Variants in CCDC7 observed in about 807,000 individuals in gnomAD.
The protein encoded by CCDC7 is coiled-coil domain-containing protein 7.
A neutral mutation model predicts 196.9 loss-of-function variants in CCDC7; 183 were observed. The observed-to-expected ratio is 0.93, with a 90% CI of 0.82 to 1.05. The LOEUF is 1.05. Among genes scored for constraint, CCDC7 ranks in the 50% least tolerant of loss-of-function variants. The probability of loss-of-function intolerance (pLI) is 0.00; values close to 1 mark genes in which losing one functional copy is unlikely to be tolerated. For missense variants in CCDC7, 1,540 were observed against 1,482.2 expected, an observed-to-expected ratio of 1.04 and a Z score of -0.64; for synonymous variants, 525 against 484.6, an observed-to-expected ratio of 1.08 and a Z score of -1.10.
intron 13 of CCDC7, 45 bp from the exon 15 acceptor site, chr10:32,565,513 A>C: frequency 6.3e-7 from 1 of 1,576,374 alleles, no homozygotes; most frequent in South Asian, 1.2e-5. Flanking sequence ...AAATTAATTA[A>C]AAATACCAAA....
Position 32,848,728 on chromosome 10 carries a change from T to G in CCDC7, c.3895+10T>G. 6.6e-7 allele frequency: 1 copy of G among 1,516,130 alleles called. No individual in the cohort carries two copies. Among genetic ancestry groups the G allele is most frequent in the South Asian group, 1.1e-5 (1 of 88,184 alleles). The allele number at this position is 1,516,130 out of a possible 1,614,324, so 93.9% of individuals were successfully genotyped here. On this transcript the variant is annotated intron_variant, in intron 39 of 41. Transcript: ENST00000639629. ...CCCTTTGAAAATAAAGGTAAAGAAT[T>G]ATGTATGTAGATATGAATTCAGTAT...
chr10:32,713,293 T>C (rs1322698764), intron 25 of CCDC7, among the ~76,000 whole-genome samples: 1 of 152,222 alleles, frequency 6.6e-6, no homozygotes, highest in Non-Finnish European at 1.5e-5. Flanking sequence ...TCAGGGATTG[T>C]GAGGATCACA....
intron 32 of CCDC7, 61 bp from the exon 34 acceptor site, chr10:32,834,754 C>A: frequency 1.4e-6 from 1 of 701,338 alleles, no homozygotes; most frequent in Non-Finnish European, 2.6e-6. Context: ...ATACACACAG[C>A]ACGGACATAT....
chr10:32,488,984 G>A (rs186448475), intron 8 of CCDC7, among the ~76,000 whole-genome samples: 31 of 152,296 alleles, frequency 2.0e-4, no homozygotes, highest in Admixed American at 7.2e-4. Context: ...AATTTCAGTG[G>A]TGTACAGTGG....
chr10:32,709,359 T>A (rs141636930), intron 24 of CCDC7, among the ~76,000 whole-genome samples: 5,661 of 149,054 alleles, frequency 0.038, 114 homozygotes, highest in Middle Eastern at 0.051. Context: ...TTAAGAGATA[T>A]ACCTAATGTA....
chr10:32,643,055 T>C (rs1338682096), intron 20 of CCDC7, among the ~76,000 whole-genome samples: 4 of 152,236 alleles, frequency 2.6e-5, no homozygotes, highest in African/African-American at 9.6e-5. Context: ...AAAGTAGTAT[T>C]TATTTTTTGA....
intron 8 of CCDC7, among the ~76,000 whole-genome samples, chr10:32,482,184 T>C (rs995544590): frequency 2.4e-5 from 3 of 126,998 alleles, no homozygotes; most frequent in Non-Finnish European, 5.9e-5. Flanking sequence ...ATTTATTTTA[T>C]TTTTCAGAAT....
At chr10:32,847,711 T>A (rs1593406016) in intron 37 of CCDC7, 122 bp from the exon 39 acceptor site, 17 of 616,272 alleles carry the variant, frequency 2.8e-5, no homozygotes, top group Middle Eastern at 4.5e-4. Flanking sequence ...CAAGATCCTG[T>A]CTCTAAAAAA....
intron 16 of CCDC7, among the ~76,000 whole-genome samples, chr10:32,576,164 G>A (rs991359203): frequency 6.6e-6 from 1 of 152,122 alleles, no homozygotes; most frequent in African/African-American, 2.4e-5. Flanking sequence ...TGATAGTTCA[G>A]TGGGGACCCC....
At chr10:32,630,177 T>G (rs986941811) in intron 18 of CCDC7, among the ~76,000 whole-genome samples, 8 of 152,088 alleles carry the variant, frequency 5.3e-5, no homozygotes, top group Non-Finnish European at 1.2e-4. Flanking sequence ...CCTTTGTTTT[T>G]TTTGTCCTTG....
chr10:32,719,233 C>T (rs185912215), intron 25 of CCDC7, among the ~76,000 whole-genome samples: 1 of 152,140 alleles, frequency 6.6e-6, no homozygotes, highest in Non-Finnish European at 1.5e-5. Flanking sequence ...CATGTAGAAC[C>T]AACTGATCTT....
In CCDC7 at chr10:32,699,771, T is replaced by C. The variant is rs567868860; in HGVS notation, c.2458+4779T>C. 1.7e-3 allele frequency among the ~76,000 whole-genome samples: 258 copies of C among 149,686 alleles called. 5 individuals are homozygous for C. Among genetic ancestry groups the C allele is most frequent in the Non-Finnish European group, 3.0e-3 (202 of 68,026 alleles). On this transcript the variant is annotated intron_variant, in intron 24 of 41. Coordinates refer to ENST00000639629, the Ensembl canonical transcript of CCDC7. ...CTAACTGGTGTGAGATGGTATCTCA[T>C]TGTGGTTTTGATTTGCATTTCTCTG...
intron 20 of CCDC7, among the ~76,000 whole-genome samples, chr10:32,659,681 A>G (rs2140339848): frequency 6.6e-6 from 1 of 152,346 alleles, no homozygotes; most frequent in East Asian, 1.9e-4. Flanking sequence ...ACATGAATGG[A>G]CACTTCCAAA....
intron 21 of CCDC7, among the ~76,000 whole-genome samples, chr10:32,676,733 A>T (rs1393420505): frequency 6.6e-6 from 1 of 152,018 alleles, no homozygotes; most frequent in Non-Finnish European, 1.5e-5. Context: ...GGTGCTGGAG[A>T]GGATGTGGAG....
At chr10:32,611,272 G>GT (rs2062099601) in intron 18 of CCDC7, among the ~76,000 whole-genome samples, 2 of 152,116 alleles carry the variant, frequency 1.3e-5, no homozygotes, top group East Asian at 1.9e-4. Context: ...GGGGTTGTTT[G>GT]TTTTTTTCTT....
intron 18 of CCDC7, among the ~76,000 whole-genome samples, chr10:32,619,618 AGT>A (rs2063157717): frequency 6.6e-6 from 1 of 152,172 alleles, no homozygotes. Context: ...TAATTAAAGC[AGT>A]GTGGTATTGA....
At chr10:32,555,561 G>GGA (rs956643062) in intron 13 of CCDC7, among the ~76,000 whole-genome samples, 2 of 152,004 alleles carry the variant, frequency 1.3e-5, no homozygotes, top group African/African-American at 4.8e-5. Context: ...AACTTTTTAA[G>GGA]GAGAGGACAC....
At chr10:32,588,265 G>A (rs1001677203) in intron 18 of CCDC7, among the ~76,000 whole-genome samples, 1 of 152,294 alleles carries the variant, frequency 6.6e-6, no homozygotes, top group South Asian at 2.1e-4. Context: ...AATGGACTAA[G>A]GCAGGTATAT....
At chr10:32,686,169 C>T (rs982667226) in intron 22 of CCDC7, 89 bp downstream of exon 23, 3 of 648,014 alleles carry the variant, frequency 4.6e-6, no homozygotes, top group African/African-American at 1.9e-5. Flanking sequence ...CTTGAATTTA[C>T]AGAAATTTTA....
Sources: allele counts gnomAD v4.1 joint callset (sites outside exome capture counted in the v4.1 genomes callset), GRCh38; gene constraint gnomAD v4.1.1; transcripts MANE v1.5; gene names NCBI Gene and HGNC (gene_info 2026-07-23, HGNC 2026-07-21).